UBR1: variants seen among roughly 807,000 people sequenced by gnomAD.
UBR1 encodes ubiquitin protein ligase E3 component n-recognin 1, also known as E3 ubiquitin-protein ligase UBR1.
Under a neutral mutation model 242.1 loss-of-function variants are expected in UBR1, and 102 were observed. The ratio of observed to expected loss-of-function variants is 0.42; its 90% CI spans 0.36 to 0.50. The LOEUF is 0.50. Ranked by LOEUF, UBR1 falls within the 20% of genes least tolerant of loss-of-function variation. The pLI is 0.01. For missense variants in UBR1, 1,772 were observed against 2,101.8 expected, an observed-to-expected ratio of 0.84 and a Z score of 3.07; for synonymous variants, 675 against 684.8, an observed-to-expected ratio of 0.99 and a Z score of 0.22.
At position 43,086,008 on chromosome 15, in the gene UBR1, C is replaced by T. The variant is rs773195975; in HGVS notation, c.314G>A (p.Ser105Asn). 7.4e-6 allele frequency: 12 copies of T among 1,613,758 alleles called. No individual in the cohort carries two copies. The highest frequency in any genetic ancestry group is 3.3e-4 in the Middle Eastern group (2 of 6,058). Reference sequence around the variant, plus strand: ...CCTGCAAGAATAGGTTGTCTCTCCACTTTTGAAAACCCTCCCACAAAGCTG... The same window carrying T: ...CCTGCAAGAATAGGTTGTCTCTCCATTTTTGAAAACCCTCCCACAAAGCTG... ...AFQLCGRVFK[S>N]GETTYSCRDC... The change falls in exon 2 of 47, where the codon AGT (serine) becomes AAT (asparagine). Residue 105 changes from serine to asparagine, a missense_variant. Physicochemically the swap from Ser to Asn is conservative, Grantham distance 46. This residue lies in a region of UBR1 where 734 missense variants were observed against 893.3 expected (regional missense o/e 0.82). Coordinates refer to ENST00000290650, the MANE Select transcript of UBR1 (RefSeq NM_174916.3).
chr15:43,091,569 C>A (rs140616467), intron 1 of UBR1, among the ~76,000 whole-genome samples: 64 of 152,202 alleles, frequency 4.2e-4, no homozygotes, highest in African/African-American at 1.4e-3. Flanking sequence ...TAACAACTAC[C>A]GAACACTACT....
chr15:42,974,768 C>G (rs2032262497), intron 39 of UBR1, among the ~76,000 whole-genome samples: 1 of 151,890 alleles, frequency 6.6e-6, no homozygotes, highest in Non-Finnish European at 1.5e-5. Flanking sequence ...GCCACCATGC[C>G]CAGCAAATTT....
At chr15:42,987,451 C>T (rs1448414699) in intron 35 of UBR1, among the ~76,000 whole-genome samples, 3 of 152,168 alleles carry the variant, frequency 2.0e-5, no homozygotes, top group African/African-American at 7.2e-5. Flanking sequence ...TGTGGTGGCT[C>T]ACGCCTGTAA....
In UBR1 at chr15:43,094,428, C is replaced by CA. The variant is rs1046504757; in HGVS notation, c.82-8189dup. On this transcript the variant is annotated intron_variant, in intron 1 of 46. Coordinates refer to ENST00000290650, the MANE Select transcript of UBR1 (RefSeq NM_174916.3). Reference sequence around the variant, plus strand: ...TGGAAGACAGAGTGAAACTCCATCTCAAAAAAAAAAGCAAACAAACAAACA... The same window carrying CA: ...TGGAAGACAGAGTGAAACTCCATCTCAAAAAAAAAAAGCAAACAAACAAACA... Among the ~76,000 whole-genome samples the CA allele has an allele frequency of 1.4e-3, 208 of 145,934 alleles. 1 individual carries two copies. The highest frequency in any genetic ancestry group is 2.0e-3 in the Admixed American group (29 of 14,556).
At chr15:42,948,825 T>C (rs1227323425) in intron 46 of UBR1, among the ~76,000 whole-genome samples, 1 of 152,158 alleles carries the variant, frequency 6.6e-6, no homozygotes, top group African/African-American at 2.4e-5. Flanking sequence ...TTTTACACTG[T>C]TGGTGGGACT....
intron 4 of UBR1, 37 bp from the exon 5 acceptor site, chr15:43,070,962 T>G (rs745497559): frequency 1.2e-6 from 2 of 1,608,202 alleles, no homozygotes; most frequent in South Asian, 2.2e-5. Context: ...TAGTCAAGAT[T>G]GTATACAAAT....
At chr15:43,064,317 T>G (rs1433584993) in intron 6 of UBR1, among the ~76,000 whole-genome samples, 2 of 152,342 alleles carry the variant, frequency 1.3e-5, no homozygotes, top group Admixed American at 1.3e-4. Flanking sequence ...TAAAACTATT[T>G]GATGGGTTGC....
chr15:43,017,173 G>A lies in UBR1; in HGVS notation c.2949C>T (p.Asp983=), dbSNP rs2033037153. 4.3e-6 allele frequency: 7 copies of A among 1,612,120 alleles called. No individual in the cohort carries two copies. The highest frequency in any genetic ancestry group is 1.3e-5 in the African/African-American group (1 of 75,028). ...DMITWILQMF[D]TVKRLREKSC... is the part of the protein sequence containing the mutation. The stretch of plus-strand genomic sequence containing the variant: ...ATTTTTCTCTTAATCGCTTCACTGT[G>A]TCAAACATCTGTGAAAAACAGATGA... Residue 983 remains aspartate (D), a synonymous_variant, in exon 28 of 47, where the codon GAC becomes GAT. Coordinates refer to ENST00000290650, the MANE Select transcript of UBR1 (RefSeq NM_174916.3).
chr15:42,947,233 G>A (rs746853006), intron 46 of UBR1, among the ~76,000 whole-genome samples: 85 of 152,206 alleles, frequency 5.6e-4, no homozygotes, highest in Non-Finnish European at 1.0e-3. Context: ...TACTATCAGT[G>A]TCAATCCTTT....
In UBR1 at chr15:43,105,423, G is replaced by C. The variant is rs2034284641; in HGVS notation, c.81+519C>G. Among the ~76,000 whole-genome samples, 3 of 152,122 alleles carry C rather than the reference G, an allele frequency of 2.0e-5. No homozygotes were observed. In the South Asian group the frequency reaches 6.2e-4, roughly 31 times the overall value. ...CTTTAAAAAGTAGCGACAGATGATG[G>C]GTTTCTCCACTGAGGGTTAGGCCTG... On this transcript the variant is annotated intron_variant, in intron 1 of 46. Transcript: ENST00000290650.
chr15:43,027,206 G>A (rs1196623466), intron 22 of UBR1, among the ~76,000 whole-genome samples: 4 of 151,628 alleles, frequency 2.6e-5, no homozygotes, highest in Admixed American at 2.6e-4. Context: ...TCTCTAAGTC[G>A]AATATTTCAA....
chr15:42,967,442 C>T (rs374033577), intron 40 of UBR1, among the ~76,000 whole-genome samples: 4 of 148,970 alleles, frequency 2.7e-5, no homozygotes, highest in East Asian at 1.9e-4. Flanking sequence ...AGATTAAAAC[C>T]TTGTAAAGAA....
chr15:42,960,058 CGTCA>C (rs2031988886), intron 43 of UBR1, among the ~76,000 whole-genome samples: 1 of 152,108 alleles, frequency 6.6e-6, no homozygotes. Flanking sequence ...AGTTCTTATT[CGTCA>C]GTTATTCTGG....
At position 42,970,606 on chromosome 15, in the gene UBR1, G is replaced by T; in HGVS notation, c.4371C>A (p.Gly1457=). Residue 1457 remains glycine (G), a splice_region_variant and synonymous_variant, in exon 40 of 47, where the codon GGC becomes GGA. Coordinates refer to ENST00000290650, the MANE Select transcript of UBR1 (RefSeq NM_174916.3). ...MLQILLTVDT[G]LPLAQVQEDS... is the part of the protein sequence containing the mutation. Reference sequence around the variant, plus strand: ...CTTCTTGAACCTGAGCAAGGGGTAGGCCTGAAAAAGAAATTCTGCAAGATG... The same window carrying T: ...CTTCTTGAACCTGAGCAAGGGGTAGTCCTGAAAAAGAAATTCTGCAAGATG... 2 of 1,613,384 alleles carry T rather than the reference G, an allele frequency of 1.2e-6. No homozygotes were observed. The highest frequency in any genetic ancestry group is 1.7e-6 in the Non-Finnish European group (2 of 1,179,868).
chr15:43,039,262 C>T (rs183430827), intron 15 of UBR1, among the ~76,000 whole-genome samples: 310 of 152,080 alleles, frequency 2.0e-3, no homozygotes, highest in African/African-American at 6.9e-3. Context: ...TACAAGAAAA[C>T]GTAGGGAAAA....
chr15:42,959,197 A>C (rs2141254170), intron 43 of UBR1, among the ~76,000 whole-genome samples: 1 of 152,150 alleles, frequency 6.6e-6, no homozygotes, highest in Non-Finnish European at 1.5e-5. Flanking sequence ...GTACAACCAT[A>C]ACATTTATTT....
At position 43,104,227 on chromosome 15, in the gene UBR1, CATT is replaced by C. The variant is rs376627019; in HGVS notation, c.81+1712_81+1714del. Among the ~76,000 whole-genome samples the C allele has an allele frequency of 4.2e-3, 642 of 152,284 alleles. 10 individuals are homozygous for C. Among genetic ancestry groups the C allele is most frequent in the African/African-American group, 0.015 (605 of 41,548 alleles). On this transcript the variant is annotated intron_variant, in intron 1 of 46. Transcript: ENST00000290650. Reference sequence around the variant, plus strand: ...ATAAATTCTAGCTCAATTCCTGTATCATTATCTCCAATTCCAAATTAGTGACGT... The same window carrying C: ...ATAAATTCTAGCTCAATTCCTGTATCATCTCCAATTCCAAATTAGTGACGT...
chr15:42,969,910 C>G (rs4923954), intron 40 of UBR1, among the ~76,000 whole-genome samples: 19,153 of 152,192 alleles, frequency 0.13, 1,364 homozygotes, highest in South Asian at 0.23. Context: ...TGAAAATGGT[C>G]GTACTGCTCA....
chr15:43,042,074 A>G (rs1274288566), intron 15 of UBR1, among the ~76,000 whole-genome samples: 1 of 152,184 alleles, frequency 6.6e-6, no homozygotes, highest in Admixed American at 6.6e-5. Context: ...ATCCTAGTGC[A>G]TGCGGGTGGG....
Sources: gnomAD v4.1 joint callset for allele counts (sites outside exome capture counted in the v4.1 genomes callset) on GRCh38, gnomAD v4.1.1 for gene constraint, gnomAD v4.1.1 regional missense constraint, MANE v1.5 for transcripts, NCBI Gene and HGNC (gene_info 2026-07-23, HGNC 2026-07-21) for gene names.